DEPP1: variants seen among roughly 807,000 people sequenced by gnomAD.
DEPP1 encodes the protein DEPP autophagy regulator 1.
For missense variants in DEPP1, 267 were observed against 280.1 expected (o/e 0.95, Z 0.33); for synonymous variants, 117 against 113.6 (o/e 1.03, Z -0.19).
rs888402100 is a variant in DEPP1 at position 44,978,735 on chromosome 10, G to C, written c.-143C>G. On this transcript the variant is annotated 5_prime_UTR_variant, in exon 1 of 2. Coordinates refer to ENST00000298295, the MANE Select transcript of DEPP1 (RefSeq NM_007021.4). Reference sequence around the variant, plus strand: ...GGTGGAGGGTCCGGCAGGGGGTCCAGCGTGGGGTCGCTGGGAGGAGGACAG... The same window carrying C: ...GGTGGAGGGTCCGGCAGGGGGTCCACCGTGGGGTCGCTGGGAGGAGGACAG... 1 of 152,512 alleles carries C rather than the reference G, an allele frequency of 6.6e-6. No homozygotes were observed. The highest frequency in any genetic ancestry group is 2.4e-5 in the African/African-American group (1 of 41,450). 9.4% of individuals were successfully genotyped at this position (152,512 alleles called of 1,614,324 possible).
rs772159165 is a variant in DEPP1 at position 44,977,618 on chromosome 10, TGTCTA to T, written c.408_412del (p.His136GlnfsTer17). ...CCCCATGGGCTTGCTGCTGTCCATCTGTCTATGTGGACCCCAGAGGCCAGCAGAGG... is the reference window on the plus strand; with the variant it reads ...CCCCATGGGCTTGCTGCTGTCCATCTTGTGGACCCCAGAGGCCAGCAGAGG... On this transcript the variant is annotated frameshift_variant, in exon 2 of 2. Transcript: ENST00000298295. LOFTEE classifies it low-confidence loss of function (END_TRUNC). 2.5e-6 allele frequency: 4 copies of T among 1,613,126 alleles called. No homozygotes were observed. The highest frequency in any genetic ancestry group is 2.5e-6 in the Non-Finnish European group (3 of 1,179,742).
rs1564458724 is a variant in DEPP1, at chr10:44,977,630, C to T, written c.401G>A (p.Gly134Asp). The change falls in exon 2 of 2, where the codon GGT becomes GAT. Residue 134 changes from glycine (G) to aspartate (D), a missense_variant. Physicochemically the swap from Gly to Asp is moderately conservative, Grantham distance 94 (BLOSUM62 -1). Coordinates refer to ENST00000298295, the MANE Select transcript of DEPP1 (RefSeq NM_007021.4). Reference protein sequence around the residue: ...RRTGPSAGLWGPHRQMDSSKP... With the variant: ...RRTGPSAGLWDPHRQMDSSKP... ...GCTGCTGTCCATCTGTCTATGTGGA[C>T]CCCAGAGGCCAGCAGAGGGGCCAGT... is the stretch of plus-strand genomic sequence containing the variant. 1.2e-6 allele frequency: 2 copies of T among 1,612,992 alleles called. No homozygotes were observed. Among genetic ancestry groups the T allele is most frequent in the South Asian group, 1.1e-5 (1 of 91,070 alleles).
In DEPP1 at chr10:44,976,523, CGTTCCCTGATGCCT is replaced by C. The variant is rs1841433493; in HGVS notation, c.*855_*868del. The C allele has an allele frequency of 6.6e-6, 1 of 152,606 alleles. No individual in the cohort carries two copies. Among genetic ancestry groups the C allele is most frequent in the Admixed American group, 6.5e-5 (1 of 15,296 alleles). 9.5% of individuals were successfully genotyped at this position (152,606 alleles called of 1,614,324 possible). A position where few individuals can be genotyped will look rare whatever the true frequency, so the allele number is the denominator to read the frequency against. On this transcript the variant is annotated 3_prime_UTR_variant, in exon 2 of 2. Coordinates refer to ENST00000298295, the MANE Select transcript of DEPP1 (RefSeq NM_007021.4). ...CTCTGATCAGTCCCAGCCTGATTCC[CGTTCCCTGATGCCT>C]CACCTTCTTGCTGCCAGATGCCTCT...
Position 44,977,493 on chromosome 10 carries a change from A to C in DEPP1, c.538T>G (p.Phe180Val), listed in dbSNP as rs1179250667. 1 of 1,613,162 alleles carries C rather than the reference A, an allele frequency of 6.2e-7. No homozygotes were observed. The highest frequency in any genetic ancestry group is 8.5e-7 in the Non-Finnish European group (1 of 1,179,886). ...QQSSDLRSWT[F>V]GQSAQAMASR... is the part of the protein sequence containing the mutation. ...GCCATGGCTTGGGCAGACTGCCCAAAAGTCCAGCTTCTTAGGTCAGAGCTC... is the reference window on the plus strand; with the variant it reads ...GCCATGGCTTGGGCAGACTGCCCAACAGTCCAGCTTCTTAGGTCAGAGCTC... The change falls in exon 2 of 2, where the codon TTT becomes GTT. Residue 180 changes from phenylalanine to valine, a missense_variant. Phe to Val is a conservative substitution (Grantham distance 50). Transcript: ENST00000298295.
In DEPP1 at chr10:44,977,956, C is replaced by T; in HGVS notation, c.75G>A (p.Gly25=). ...IRETTEEMLL[G]GPGQEPPPSP... ...AGGGTGGGGGCTCCTGTCCAGGACC[C>T]CCAAGCAGCATCTCCTCCGTGGTCT... Residue 25 remains glycine (G), a synonymous_variant, in exon 2 of 2, where the codon GGG becomes GGA. Transcript: ENST00000298295. 1 of 1,611,994 alleles carries T rather than the reference C, an allele frequency of 6.2e-7. No individual in the cohort carries two copies. The highest frequency in any genetic ancestry group is 8.5e-7 in the Non-Finnish European group (1 of 1,179,716).
Position 44,977,779 on chromosome 10 carries a change from G to C in DEPP1, c.252C>G (p.Asp84Glu). Residue 84 changes from aspartate (D) to glutamate (E), a missense_variant, in exon 2 of 2, where the codon GAC (aspartate) becomes GAG (glutamate). Coordinates refer to ENST00000298295, the MANE Select transcript of DEPP1 (RefSeq NM_007021.4). ...GCTGGCCACTGAAACGTGCGGTGAT[G>C]TCTCGCAGGGACACAGCAGGGCGGC... ...RKGRPAVSLR[D>E]ITARFSGQQP... The C allele has an allele frequency of 1.2e-6, 2 of 1,600,824 alleles. No individual in the cohort carries two copies. The highest frequency in any genetic ancestry group is 1.7e-6 in the Non-Finnish European group (2 of 1,172,370).
rs770794008 is a variant in DEPP1, at chr10:44,977,611, G to T, written c.420C>A (p.Asp140Glu). 1 of 1,613,280 alleles carries T rather than the reference G, an allele frequency of 6.2e-7. No individual in the cohort carries two copies. The highest frequency in any genetic ancestry group is 1.3e-5 in the African/African-American group (1 of 75,076). Residue 140 changes from aspartate to glutamate, a missense_variant, in exon 2 of 2, where the codon GAC becomes GAA. By Grantham distance (45) the Asp-to-Glu change is conservative (BLOSUM62 2). Coordinates refer to ENST00000298295, the MANE Select transcript of DEPP1 (RefSeq NM_007021.4). ...TGGGGGCCCCCATGGGCTTGCTGCT[G>T]TCCATCTGTCTATGTGGACCCCAGA... ...AGLWGPHRQM[D>E]SSKPMGAPRG... is the part of the protein sequence containing the mutation.
Position 44,977,476 on chromosome 10 carries a change from TTGGGCAGAC to T in DEPP1, c.546_554del (p.Ser183_Gln185del). On this transcript the variant is annotated inframe_deletion, in exon 2 of 2. Transcript: ENST00000298295. ...GGGGGCGGTGGCGGGAGGCCATGGCTTGGGCAGACTGCCCAAAAGTCCAGCTTCTTAGGT... is the reference window on the plus strand; with the variant it reads ...GGGGGCGGTGGCGGGAGGCCATGGCTTGCCCAAAAGTCCAGCTTCTTAGGT... 6.2e-7 allele frequency: 1 copy of T among 1,612,786 alleles called. No individual in the cohort carries two copies. The highest frequency in any genetic ancestry group is 8.5e-7 in the Non-Finnish European group (1 of 1,179,756).
rs775457258 is a variant in DEPP1, at chr10:44,977,589, G to C, written c.442C>G (p.Pro148Ala). The C allele has an allele frequency of 1.2e-6, 2 of 1,613,350 alleles. No homozygotes were observed. Among genetic ancestry groups the C allele is most frequent in the South Asian group, 2.2e-5 (2 of 91,084 alleles). ...QMDSSKPMGAPRGRLCEARMP... is the reference protein window; with the variant it reads ...QMDSSKPMGAARGRLCEARMP... ...CTGGCTTCACAGAGCCTCCCTCTGG[G>C]GGCCCCCATGGGCTTGCTGCTGTCC... Residue 148 changes from proline (P) to alanine (A), a missense_variant, in exon 2 of 2, where the codon CCC (proline) becomes GCC (alanine). Pro to Ala is a conservative substitution (Grantham distance 27). Transcript: ENST00000298295.
Position 44,977,841 on chromosome 10 carries a change from T to A in DEPP1, c.190A>T (p.Arg64Trp). The change falls in exon 2 of 2, where the codon AGG (arginine) becomes TGG (tryptophan). Residue 64 changes from arginine to tryptophan, a missense_variant. Transcript: ENST00000298295. ...LDKATAQGQP[R>W]PPHRPAQACR... ...GCCTGGGCTGGCCTGTGGGGTGGCCTGGGTTGGCCCTGGGCCGTGGCCTTG... is the reference window on the plus strand; with the variant it reads ...GCCTGGGCTGGCCTGTGGGGTGGCCAGGGTTGGCCCTGGGCCGTGGCCTTG... The A allele has an allele frequency of 6.2e-7, 1 of 1,606,844 alleles. No individual in the cohort carries two copies. The highest frequency in any genetic ancestry group is 8.5e-7 in the Non-Finnish European group (1 of 1,176,874).
rs368058824 is a variant in DEPP1 at position 44,977,483 on chromosome 10, G to A, written c.548C>T (p.Ser183Phe). 5 of 1,612,852 alleles carry A rather than the reference G, an allele frequency of 3.1e-6. No individual in the cohort carries two copies. The African/African-American group carries it at 4.0e-5, about 13-fold the overall frequency. The change falls in exon 2 of 2, where the codon TCT (serine) becomes TTT (phenylalanine). Residue 183 changes from serine (S) to phenylalanine (F), a missense_variant. Coordinates refer to ENST00000298295, the MANE Select transcript of DEPP1 (RefSeq NM_007021.4). ...GTGGCGGGAGGCCATGGCTTGGGCA[G>A]ACTGCCCAAAAGTCCAGCTTCTTAG... ...SDLRSWTFGQ[S>F]AQAMASRHRP...
chr10:44,978,181 A>T (rs936729088), intron 1 of DEPP1, 126 bp from the exon 2 acceptor site: 45 of 811,178 alleles, frequency 5.5e-5, no homozygotes, highest in Non-Finnish European at 7.7e-5. Flanking sequence ...AAGTCTACAG[A>T]GCCCAGACCA....
At position 44,978,084 on chromosome 10, in the gene DEPP1, G is replaced by A. The variant is rs551671199; in HGVS notation, c.-25-29C>T. ...TTGGGAAACAGAAGCCTGGTGGTGA[G>A]GGCCTGCCATGCGTCCCACCGCCCC... On this transcript the variant is annotated intron_variant, in intron 1 of 1. Coordinates refer to ENST00000298295, the MANE Select transcript of DEPP1 (RefSeq NM_007021.4). The A allele has an allele frequency of 3.8e-6, 6 of 1,573,106 alleles. No individual in the cohort carries two copies. In the African/African-American group the frequency reaches 8.2e-5, roughly 22 times the overall value.
rs776557148 is a variant in DEPP1 at position 44,978,053 on chromosome 10, A to C, written c.-23T>G. ...CATCACTCTGGCGAGAGGAGGTGGCAACCTGTTGGGAAACAGAAGCCTGGT... is the reference window on the plus strand; with the variant it reads ...CATCACTCTGGCGAGAGGAGGTGGCCACCTGTTGGGAAACAGAAGCCTGGT... On this transcript the variant is annotated splice_region_variant and 5_prime_UTR_variant, in exon 2 of 2. Coordinates refer to ENST00000298295, the MANE Select transcript of DEPP1 (RefSeq NM_007021.4). 74 of 1,591,652 alleles carry C rather than the reference A, an allele frequency of 4.6e-5. No homozygotes were observed. Among genetic ancestry groups the C allele is most frequent in the Non-Finnish European group, 6.2e-5 (73 of 1,173,102 alleles).
chr10:44,977,584 T>A lies in DEPP1; in HGVS notation c.447A>T (p.Arg149Ser). 6.2e-7 allele frequency: 1 copy of A among 1,613,420 alleles called. No individual in the cohort carries two copies. Among genetic ancestry groups the A allele is most frequent in the Non-Finnish European group, 8.5e-7 (1 of 1,179,898 alleles). ...MDSSKPMGAP[R>S]GRLCEARMPG... Reference sequence around the variant, plus strand: ...GCATCCTGGCTTCACAGAGCCTCCCTCTGGGGGCCCCCATGGGCTTGCTGC... The same window carrying A: ...GCATCCTGGCTTCACAGAGCCTCCCACTGGGGGCCCCCATGGGCTTGCTGC... The change falls in exon 2 of 2, where the codon AGA becomes AGT. Residue 149 changes from arginine (R) to serine (S), a missense_variant. Physicochemically the swap from Arg to Ser is moderately radical, Grantham distance 110. Transcript: ENST00000298295.
Position 44,977,337 on chromosome 10 carries a change from C to T in DEPP1, c.*55G>A, listed in dbSNP as rs62620035. On this transcript the variant is annotated 3_prime_UTR_variant, in exon 2 of 2. Coordinates refer to ENST00000298295, the MANE Select transcript of DEPP1 (RefSeq NM_007021.4). ...GGGGCAGTGACCACCATGGAGGAGA[C>T]GAGAGGAGATGCAGACCCAGCATGC... is the stretch of plus-strand genomic sequence containing the variant. The T allele has an allele frequency of 2.0e-3, 3,034 of 1,511,420 alleles. 56 individuals carry two copies. In the African/African-American group the frequency reaches 0.036, roughly 18 times the overall value. The allele number at this position is 1,511,420 out of a possible 1,614,324, so 93.6% of individuals were successfully genotyped here. A position where few individuals can be genotyped will look rare whatever the true frequency, so the allele number is the denominator to read the frequency against.
Position 44,977,661 on chromosome 10 carries a change from T to A in DEPP1, c.370A>T (p.Arg124Trp). The change falls in exon 2 of 2, where the codon AGG (arginine) becomes TGG (tryptophan). Residue 124 changes from arginine to tryptophan, a missense_variant. Physicochemically the swap from Arg to Trp is moderately radical, Grantham distance 101. Coordinates refer to ENST00000298295, the MANE Select transcript of DEPP1 (RefSeq NM_007021.4). ...EKQPSQRDLP[R>W]RTGPSAGLWG... ...AGGCCAGCAGAGGGGCCAGTCCTCCTTGGCAGGTCCCTCTGGCTTGGCTGC... is the reference window on the plus strand; with the variant it reads ...AGGCCAGCAGAGGGGCCAGTCCTCCATGGCAGGTCCCTCTGGCTTGGCTGC... The A allele has an allele frequency of 1.9e-6, 3 of 1,613,060 alleles. No homozygotes were observed. Among genetic ancestry groups the A allele is most frequent in the Non-Finnish European group, 1.7e-6 (2 of 1,179,798 alleles).
Position 44,977,420 on chromosome 10 carries a change from G to C in DEPP1, c.611C>G (p.Ser204Trp), listed in dbSNP as rs540681618. Residue 204 changes from serine (S) to tryptophan (W), a missense_variant, in exon 2 of 2, where the codon TCG becomes TGG. Ser to Trp is a radical substitution (Grantham distance 177, BLOSUM62 -3). Coordinates refer to ENST00000298295, the MANE Select transcript of DEPP1 (RefSeq NM_007021.4). Reference protein sequence around the residue: ...RPSSVLRTLYSHLPVIHEL With the variant: ...RPSSVLRTLYWHLPVIHEL ...GAGTTCATGGATCACCGGGAGGTGC[G>C]AGTAGAGTGTTCTGAGGACACTGCT... 6.2e-7 allele frequency: 1 copy of C among 1,600,040 alleles called. No homozygotes were observed. The highest frequency in any genetic ancestry group is 1.3e-5 in the African/African-American group (1 of 74,534).
Position 44,977,520 on chromosome 10 carries a change from GC to G in DEPP1, c.510del (p.Gln170HisfsTer6), listed in dbSNP as rs1841490500. 6.2e-7 allele frequency: 1 copy of G among 1,613,316 alleles called. No individual in the cohort carries two copies. The highest frequency in any genetic ancestry group is 1.3e-5 in the African/African-American group (1 of 74,952). ...HSLARPPQDG[Q>X]QSSDLRSWTF... Reference sequence around the variant, plus strand: ...GTCCAGCTTCTTAGGTCAGAGCTCTGCTGCCCATCCTGCGGTGGTCTTGCCA... The same window carrying G: ...GTCCAGCTTCTTAGGTCAGAGCTCTGTGCCCATCCTGCGGTGGTCTTGCCA... On this transcript the variant is annotated frameshift_variant, in exon 2 of 2. Coordinates refer to ENST00000298295, the MANE Select transcript of DEPP1 (RefSeq NM_007021.4). LOFTEE classifies it low-confidence loss of function (END_TRUNC).
Sources: gnomAD v4.1 joint callset for allele counts on GRCh38, gnomAD v4.1.1 for gene constraint, MANE v1.5 for transcripts, NCBI Gene and HGNC (gene_info 2026-07-23, HGNC 2026-07-21) for gene names.